The following DYSF variants were observed in gnomAD, a reference collection of about 807,000 sequenced individuals.
DYSF encodes the protein dystrophy-associated fer-1-like 1.
Under a neutral mutation model 274.9 loss-of-function variants are expected in DYSF, and 212 were observed. The ratio of observed to expected loss-of-function variants is 0.77; its 90% confidence interval spans 0.69 to 0.86. DYSF has a LOEUF of 0.86. DYSF is among the 40% of genes least tolerant of loss of function. DYSF has a pLI of 0.00. For missense variants in DYSF, 2,666 were observed against 2,783.2 expected, an observed-to-expected ratio of 0.96 and a Z score of 0.95; for synonymous variants, 1,091 against 1,078.7, an observed-to-expected ratio of 1.01 and a Z score of -0.22.
At chr2:71,584,310 C>T (rs1001694075) in intron 30 of DYSF, among the ~76,000 whole-genome samples, 2 of 152,134 alleles carry the variant, frequency 1.3e-5, no homozygotes, top group Non-Finnish European at 2.9e-5. Context: ...GCCTTGTCCA[C>T]CTGGCCAAGC....
chr2:71,646,887 CAA>C (rs1273009573), intron 42 of DYSF, among the ~76,000 whole-genome samples: 2 of 151,968 alleles, frequency 1.3e-5, no homozygotes, highest in African/African-American at 2.4e-5. Flanking sequence ...TTTTGGAAAA[CAA>C]TATTTTAGCA....
intron 4 of DYSF, among the ~76,000 whole-genome samples, chr2:71,507,886 C>CT (rs2085659683): frequency 6.6e-6 from 1 of 152,344 alleles, no homozygotes; most frequent in East Asian, 1.9e-4. Context: ...CTCAAGTAGG[C>CT]TCAAGTGATC....
At chr2:71,530,695 C>T (rs2088594234) in intron 14 of DYSF, among the ~76,000 whole-genome samples, 1 of 152,200 alleles carries the variant, frequency 6.6e-6, no homozygotes, top group African/African-American at 2.4e-5. Flanking sequence ...CCAGCCTCCT[C>T]GGTGGACCCC....
At chr2:71,528,198 C>T in intron 13 of DYSF, 100 bp from the exon 14 acceptor site, 1 of 1,066,150 alleles carries the variant, frequency 9.4e-7, no homozygotes, top group Non-Finnish European at 1.4e-6. Context: ...AAGCTTCTTG[C>T]TCAGGTAGTC....
chr2:71,562,146 G>A (rs1220243716), intron 23 of DYSF, among the ~76,000 whole-genome samples: 1 of 152,214 alleles, frequency 6.6e-6, no homozygotes, highest in African/African-American at 2.4e-5. Flanking sequence ...AATACTGGGT[G>A]TTATGGGGCC....
At chr2:71,491,473 T>A (rs947084474) in intron 3 of DYSF, among the ~76,000 whole-genome samples, 1 of 152,204 alleles carries the variant, frequency 6.6e-6, no homozygotes, top group African/African-American at 2.4e-5. Flanking sequence ...TAGGTAAACT[T>A]GTGTCATGGG....
intron 1 of DYSF, among the ~76,000 whole-genome samples, chr2:71,476,589 G>A (rs1558951338): frequency 6.6e-6 from 1 of 151,536 alleles, no homozygotes; most frequent in African/African-American, 2.4e-5. Flanking sequence ...TTCTTGTTGT[G>A]TTTTTTAGAT....
chr2:71,568,515 C>T (rs540905500), intron 26 of DYSF, among the ~76,000 whole-genome samples, 177 bp downstream of exon 26: 1 of 152,260 alleles, frequency 6.6e-6, no homozygotes, highest in South Asian at 2.1e-4. Flanking sequence ...CAGTCCTTTC[C>T]AGAAGGGCTT....
chr2:71,669,254 G>A lies in DYSF; in HGVS notation c.5642+47G>A, dbSNP rs554235669. ...GCCTGTCCAGCTTCCCGCAGCTCCCGTGCTCCCTCTGGGTTGTGCACAGCA... is the reference window on the plus strand; with the variant it reads ...GCCTGTCCAGCTTCCCGCAGCTCCCATGCTCCCTCTGGGTTGTGCACAGCA... On this transcript the variant is annotated intron_variant, in intron 50 of 55. Transcript: ENST00000410020. The A allele has an allele frequency of 2.8e-5, 42 of 1,489,096 alleles. No individual in the cohort carries two copies. The South Asian group carries it at 3.1e-4, about 11-fold the overall frequency. The allele number at this position is 1,489,096 out of a possible 1,614,324, so 92.2% of individuals were successfully genotyped here. A position where few individuals can be genotyped will look rare whatever the true frequency, so the allele number is the denominator to read the frequency against.
In DYSF at chr2:71,595,069, G is replaced by A. The variant is rs559326666; in HGVS notation, c.3575-3495G>A. On this transcript the variant is annotated intron_variant, in intron 32 of 55. Transcript: ENST00000410020. ...CTTTGTACATACATCTAGCTTTTTGGTGAATCTGGATGACTCCCAGGAATA... is the reference window on the plus strand; with the variant it reads ...CTTTGTACATACATCTAGCTTTTTGATGAATCTGGATGACTCCCAGGAATA... Among the ~76,000 whole-genome samples the A allele has an allele frequency of 3.3e-5, 5 of 152,284 alleles. No individual in the cohort carries two copies. In the South Asian group the frequency reaches 1.0e-3, roughly 32 times the overall value.
intron 41 of DYSF, among the ~76,000 whole-genome samples, chr2:71,623,674 C>A (rs972337464): frequency 4.6e-5 from 7 of 151,686 alleles, no homozygotes; most frequent in African/African-American, 1.7e-4. Context: ...CTTAACGATA[C>A]TTGCAAAAAA....
chr2:71,495,825 G>A (rs927802138), intron 3 of DYSF, among the ~76,000 whole-genome samples: 1 of 152,042 alleles, frequency 6.6e-6, no homozygotes, highest in Non-Finnish European at 1.5e-5. Context: ...CTCTGCAGGC[G>A]TGGAGGCAGG....
intron 41 of DYSF, among the ~76,000 whole-genome samples, chr2:71,642,785 G>A (rs935535942): frequency 7.9e-5 from 12 of 152,194 alleles, no homozygotes; most frequent in African/African-American, 1.9e-4. Flanking sequence ...AACCCTTGGC[G>A]GGGCACCAGC....
chr2:71,534,108 G>C (rs967236494), intron 14 of DYSF, among the ~76,000 whole-genome samples: 1 of 152,204 alleles, frequency 6.6e-6, no homozygotes, highest in Admixed American at 6.5e-5. Context: ...GCACTGGGTG[G>C]ACCAGGAATG....
intron 13 of DYSF, among the ~76,000 whole-genome samples, chr2:71,526,549 C>T (rs1381089737): frequency 6.6e-6 from 1 of 152,272 alleles, no homozygotes; most frequent in Non-Finnish European, 1.5e-5. Context: ...TGCCTCTCAG[C>T]TCCATTCCAA....
rs2095076364 is a variant in DYSF at position 71,669,314 on chromosome 2, C to T, written c.5642+107C>T. On this transcript the variant is annotated intron_variant, in intron 50 of 55. Transcript: ENST00000410020. Reference sequence around the variant, plus strand: ...CTGGCTCAGGGAAGGGAAGAACAAACAAACTTCCAACGAGGGCTCCTGGGG... The same window carrying T: ...CTGGCTCAGGGAAGGGAAGAACAAATAAACTTCCAACGAGGGCTCCTGGGG... The T allele has an allele frequency of 2.8e-6, 3 of 1,059,774 alleles. No individual in the cohort carries two copies. The Admixed American group carries it at 6.0e-5, about 21-fold the overall frequency. The allele number at this position is 1,059,774 out of a possible 1,614,324, so 65.6% of individuals were successfully genotyped here. A position where few individuals can be genotyped will look rare whatever the true frequency, so the allele number is the denominator to read the frequency against.
upstream of DYSF, among the ~76,000 whole-genome samples, chr2:71,465,746 G>T (rs1022618021): frequency 6.6e-6 from 1 of 152,316 alleles, no homozygotes; most frequent in South Asian, 2.1e-4. Context: ...GACGGACAGT[G>T]CCCTGACAGG....
In DYSF at chr2:71,483,921, C is replaced by T. The variant is rs776610125; in HGVS notation, c.239+1951C>T. 2.0e-5 allele frequency among the ~76,000 whole-genome samples: 3 copies of T among 151,664 alleles called. No homozygotes were observed. In the South Asian group the frequency reaches 6.3e-4, roughly 32 times the overall value. On this transcript the variant is annotated intron_variant, in intron 3 of 55. Coordinates refer to ENST00000410020, the MANE Select transcript of DYSF (RefSeq NM_001130987.2). ...GTTCAGTTCCCTCTGACAATGCCGG[C>T]GTTGACAGAGTTTAGAGGGGCAGAG...
At chr2:71,551,456 C>A in intron 18 of DYSF, 151 bp from the exon 19 acceptor site, 2 of 700,374 alleles carry the variant, frequency 2.9e-6, no homozygotes, top group Non-Finnish European at 4.9e-6. Flanking sequence ...CTCTCTGGGC[C>A]ATGCTTTCCT....
Sources: allele counts gnomAD v4.1 joint callset (sites outside exome capture counted in the v4.1 genomes callset), GRCh38; gene constraint gnomAD v4.1.1; transcripts MANE v1.5; gene names NCBI Gene and HGNC (gene_info 2026-07-23, HGNC 2026-07-21).